The following KLF12 variants were observed in gnomAD, a reference collection of about 807,000 sequenced individuals.
The protein encoded by KLF12 is KLF transcription factor 12.
KLF12 carries 9 observed loss-of-function variants against 37.8 expected under a neutral mutation model. The observed-to-expected ratio is 0.24, with a 90% CI of 0.14 to 0.42. The LOEUF (loss-of-function observed/expected upper bound fraction) is 0.42, where lower values mean the gene tolerates loss of function less well. Among genes scored for constraint, KLF12 ranks in the 10% least tolerant of loss-of-function variants. The pLI is 1.00. For synonymous variants in KLF12, 208 were observed against 202.1 expected, an observed-to-expected ratio of 1.03 and a Z score of -0.25; for missense variants, 411 against 516.0, an observed-to-expected ratio of 0.80 and a Z score of 1.97.
intron 4 of KLF12, among the ~76,000 whole-genome samples, chr13:73,839,044 C>T (rs1884591078): frequency 3.3e-5 from 5 of 151,764 alleles, no homozygotes; most frequent in Admixed American, 2.6e-4. Flanking sequence ...AGAGGAGATG[C>T]GTCCTTTTGT....
chr13:74,091,754 G>T (rs548739715), intron 1 of KLF12, among the ~76,000 whole-genome samples: 1 of 152,096 alleles, frequency 6.6e-6, no homozygotes, highest in African/African-American at 2.4e-5. Flanking sequence ...GTATCATTGT[G>T]AATTTGTCTA....
intron 1 of KLF12, among the ~76,000 whole-genome samples, chr13:74,037,482 C>A (rs867042576): frequency 2.6e-5 from 4 of 152,164 alleles, no homozygotes; most frequent in Non-Finnish European, 4.4e-5. Context: ...CCAATTAAAC[C>A]GTGTTGAACA....
intron 3 of KLF12, among the ~76,000 whole-genome samples, chr13:73,930,834 C>G (rs1460196624): frequency 1.4e-5 from 2 of 146,656 alleles, no homozygotes; most frequent in Non-Finnish European, 3.0e-5. Flanking sequence ...AATCTTTTTT[C>G]AACATCTATG....
chr13:73,938,319 A>C (rs1435747298), intron 3 of KLF12, among the ~76,000 whole-genome samples: 1 of 152,176 alleles, frequency 6.6e-6, no homozygotes, highest in East Asian at 1.9e-4. Context: ...TTTTCCCCCT[A>C]ATGCTACTGA....
the KLF12 span, among the ~76,000 whole-genome samples, chr13:74,282,849 C>A: frequency 1.3e-5 from 2 of 152,130 alleles, no homozygotes; most frequent in Non-Finnish European, 2.9e-5. Flanking sequence ...TTACGTGAGT[C>A]TCAGTTTCCC....
intron 7 of KLF12, among the ~76,000 whole-genome samples, chr13:73,703,800 C>T (rs1029065475): frequency 6.6e-6 from 1 of 152,290 alleles, no homozygotes; most frequent in East Asian, 1.9e-4. Context: ...TGCCTCTCAA[C>T]ATTTTAAATT....
intron 4 of KLF12, among the ~76,000 whole-genome samples, chr13:73,813,845 T>C (rs1883071648): frequency 6.6e-6 from 1 of 152,228 alleles, no homozygotes; most frequent in African/African-American, 2.4e-5. Context: ...TTTGAAGGCA[T>C]AAAAATGGCA....
chr13:73,838,604 G>T (rs1001522367), intron 4 of KLF12, among the ~76,000 whole-genome samples: 1 of 152,072 alleles, frequency 6.6e-6, no homozygotes, highest in African/African-American at 2.4e-5. Context: ...ATTTTTTCAA[G>T]TATGACACCA....
chr13:74,065,650 T>G (rs1873870640), intron 1 of KLF12, among the ~76,000 whole-genome samples: 1 of 152,052 alleles, frequency 6.6e-6, no homozygotes, highest in Non-Finnish European at 1.5e-5. Flanking sequence ...AGGATCATAT[T>G]CTGTGTCCTT....
the KLF12 span, among the ~76,000 whole-genome samples, chr13:74,279,105 G>A: frequency 6.6e-6 from 1 of 152,120 alleles, no homozygotes; most frequent in African/African-American, 2.4e-5. Flanking sequence ...ATATTACTCT[G>A]CCCAAACAGG....
At chr13:74,189,977 G>A in the KLF12 span, among the ~76,000 whole-genome samples, 7 of 151,906 alleles carry the variant, frequency 4.6e-5, no homozygotes, top group Admixed American at 1.3e-4. Context: ...AATGCAAAAC[G>A]TTATTTAACT....
chr13:73,905,536 TA>T (rs1021260215), intron 3 of KLF12, among the ~76,000 whole-genome samples: 1 of 151,794 alleles, frequency 6.6e-6, no homozygotes, highest in African/African-American at 2.4e-5. Context: ...ATTTACGTTT[TA>T]AAAAAAATCA....
Position 73,686,147 on chromosome 13 carries a change from A to C in KLF12, c.*9343T>G, listed in dbSNP as rs922498447. On this transcript the variant is annotated 3_prime_UTR_variant, in exon 8 of 8. Transcript: ENST00000377669. ...CATGCCTTCATTCAGATAATTATAC[A>C]AATGCATACAGTTAAAGGTTTAAAC... is the stretch of plus-strand genomic sequence containing the variant. 4 of 152,656 alleles carry C rather than the reference A, an allele frequency of 2.6e-5. No homozygotes were observed. The highest frequency in any genetic ancestry group is 9.6e-5 in the African/African-American group (4 of 41,458). 9.5% of individuals were successfully genotyped at this position (152,656 alleles called of 1,614,324 possible).
At chr13:73,735,828 A>G (rs1037960734) in intron 6 of KLF12, among the ~76,000 whole-genome samples, 2 of 152,122 alleles carry the variant, frequency 1.3e-5, no homozygotes, top group Non-Finnish European at 2.9e-5. Flanking sequence ...ATAAAAACTG[A>G]GTCTAAGGGA....
At chr13:74,129,418 C>A (rs1878137827) in intron 1 of KLF12, among the ~76,000 whole-genome samples, 1 of 152,188 alleles carries the variant, frequency 6.6e-6, no homozygotes, top group South Asian at 2.1e-4. Context: ...TGGCAAATGT[C>A]ACACTTGGGA....
At chr13:73,800,439 T>C (rs1312893945) in intron 5 of KLF12, 1 of 152,066 alleles carries the variant, frequency 6.6e-6, no homozygotes, top group Non-Finnish European at 1.5e-5. Context: ...GAAAAACAGA[T>C]ACATCCATTC....
intron 1 of KLF12, among the ~76,000 whole-genome samples, chr13:73,999,524 G>C (rs1202664036): frequency 6.6e-6 from 1 of 151,722 alleles, no homozygotes; most frequent in Non-Finnish European, 1.5e-5. Context: ...ACGAGGTCAG[G>C]AGATCAAGAC....
chr13:74,176,053 T>C, the KLF12 span, among the ~76,000 whole-genome samples: 1 of 152,220 alleles, frequency 6.6e-6, no homozygotes, highest in East Asian at 1.9e-4. Context: ...ATCATCTTAA[T>C]CATCTTCACA....
intron 3 of KLF12, among the ~76,000 whole-genome samples, chr13:73,902,945 C>T (rs1212094282): frequency 6.6e-6 from 1 of 152,240 alleles, no homozygotes; most frequent in African/African-American, 2.4e-5. Context: ...TTTTGGAGAA[C>T]TGCTGAGACA....
Sources: gnomAD v4.1 joint callset for allele counts (sites outside exome capture counted in the v4.1 genomes callset) on GRCh38, gnomAD v4.1.1 for gene constraint, MANE v1.5 for transcripts, NCBI Gene and HGNC (gene_info 2026-07-23, HGNC 2026-07-21) for gene names.